Variants in LRP4 observed in about 807,000 individuals in gnomAD.
The protein encoded by LRP4 is low-density lipoprotein receptor-related protein 4.
LRP4 carries 95 observed loss-of-function variants against 220.3 expected under a neutral mutation model. That is an observed-to-expected ratio of 0.43 (90% confidence interval 0.37 to 0.51). The LOEUF is 0.51. LRP4 is among the 20% of genes least tolerant of loss of function. The probability of loss-of-function intolerance (pLI) is 0.00; values close to 1 mark genes in which losing one functional copy is unlikely to be tolerated. For synonymous variants in LRP4, 903 were observed against 954.6 expected (o/e 0.95, Z 1.00); for missense variants, 1,925 against 2,567.0 (o/e 0.75, Z 5.40).
intron 12 of LRP4, among the ~76,000 whole-genome samples, chr11:46,893,493 AT>A (rs1224564593): frequency 6.6e-6 from 1 of 152,182 alleles, no homozygotes; most frequent in Non-Finnish European, 1.5e-5. Flanking sequence ...CATTTCAGAA[AT>A]TCCCTAGGCA....
rs1376647175 is a variant in LRP4 at position 46,910,529 on chromosome 11, T to G, written c.53-7600A>C. On this transcript the variant is annotated intron_variant, in intron 1 of 37. Transcript: ENST00000378623. ...ACTCCATGATTAAGACCTGCTATTT[T>G]AGGACTTGAGATGTTTGAAAACCCT... Among the ~76,000 whole-genome samples, 3 of 152,188 alleles carry G rather than the reference T, an allele frequency of 2.0e-5. No individual in the cohort carries two copies. In the East Asian group the frequency reaches 5.8e-4, roughly 29 times the overall value.
At chr11:46,901,906 T>C (rs1941673132) in intron 2 of LRP4, among the ~76,000 whole-genome samples, 1 of 151,952 alleles carries the variant, frequency 6.6e-6, no homozygotes, top group Admixed American at 6.6e-5. Context: ...CTAATTTTTT[T>C]GTATTTTTAA....
rs759166068 is a variant in LRP4, at chr11:46,864,500, G to A, written c.5191C>T (p.Leu1731Phe). The A allele has an allele frequency of 6.2e-7, 1 of 1,613,844 alleles. No individual in the cohort carries two copies. Among genetic ancestry groups the A allele is most frequent in the South Asian group, 1.1e-5 (1 of 91,082 alleles). ...GLHISYAIGG[L>F]LSILLILVVI... ...ACCAAAATCAGCAGAATACTGAGGA[G>A]TCCACCAATGGCGTAGCTGATATGA... is the stretch of plus-strand genomic sequence containing the variant. The change falls in exon 36 of 38, where the codon CTC (leucine) becomes TTC (phenylalanine). Residue 1731 changes from leucine to phenylalanine, a missense_variant. Around this residue, in one of 3 missense-constraint regions of LRP4, gnomAD observed 1,244 missense variants for 1,624.9 expected, o/e 0.77. Transcript: ENST00000378623.
rs1167662164 is a variant in LRP4 at position 46,875,710 on chromosome 11, G to A, written c.3700-29C>T. On this transcript the variant is annotated intron_variant, in intron 26 of 37. Transcript: ENST00000378623. This position sits in a 1 kb window ranked among gnomAD's most constrained non-coding sequence, Gnocchi z 4.5. The stretch of plus-strand genomic sequence containing the variant: ...CAGAGGAAGGAGAGGGTGGGGGGTG[G>A]TGATCAGCAGATTGGGAACTCTCCA... The A allele has an allele frequency of 6.2e-7, 1 of 1,612,138 alleles. No individual in the cohort carries two copies. Among genetic ancestry groups the A allele is most frequent in the Non-Finnish European group, 8.5e-7 (1 of 1,178,362 alleles).
chr11:46,903,597 G>C (rs962617089), intron 1 of LRP4, among the ~76,000 whole-genome samples: 4 of 152,222 alleles, frequency 2.6e-5, no homozygotes, highest in Middle Eastern at 3.2e-3. Flanking sequence ...GTGATGTTGA[G>C]AGGCCTCCAT....
chr11:46,873,182 A>G lies in LRP4; in HGVS notation c.4501T>C (p.Leu1501=), dbSNP rs766956711. ...GHIAKIERAN[L]DGSERKVLIN... ...AGGACCTTCCGCTCAGAACCATCCA[A>G]GTTTGCCCGTTCGATCTTGGCAATG... The change falls in exon 30 of 38, where the codon TTG becomes CTG. Residue 1501 remains leucine (L), a synonymous_variant. Transcript: ENST00000378623. This position sits in a 1 kb window ranked among gnomAD's most constrained non-coding sequence, Gnocchi z 4.2. 4 of 1,614,052 alleles carry G rather than the reference A, an allele frequency of 2.5e-6. No homozygotes were observed. Among genetic ancestry groups the G allele is most frequent in the Non-Finnish European group, 3.4e-6 (4 of 1,180,048 alleles).
chr11:46,916,120 C>T lies in LRP4; in HGVS notation c.52+2208G>A, dbSNP rs141617324. On this transcript the variant is annotated intron_variant, in intron 1 of 37. Transcript: ENST00000378623. ...GCACAGAAAGCTTCCCATGCTTAGA[C>T]GTTTCTATTAAACTTTTTTCCTTAA... Among the ~76,000 whole-genome samples the T allele has an allele frequency of 4.7e-3, 719 of 152,160 alleles. 1 individual carries two copies. Among genetic ancestry groups the T allele is most frequent in the African/African-American group, 0.017 (695 of 41,504 alleles).
In LRP4 at chr11:46,895,743, G is replaced by T. The variant is rs961563828; in HGVS notation, c.1183+141C>A. 7 of 1,213,148 alleles carry T rather than the reference G, an allele frequency of 5.8e-6. No homozygotes were observed. The East Asian group carries it at 1.6e-4, about 28-fold the overall frequency. 75.1% of individuals were successfully genotyped at this position (1,213,148 alleles called of 1,614,324 possible). On this transcript the variant is annotated intron_variant, in intron 10 of 37. Transcript: ENST00000378623. ...GTCTCCCCATCTGTGAAATGGGAAG[G>T]ATGATCCCCACCTCCTAGGGTTATT...
At chr11:46,867,762 T>TA (rs1213109862) in intron 34 of LRP4, among the ~76,000 whole-genome samples, 1 of 152,152 alleles carries the variant, frequency 6.6e-6, no homozygotes, top group Non-Finnish European at 1.5e-5. Context: ...CACCCAGCCT[T>TA]AAAGTTGTTC....
At chr11:46,912,437 C>A (rs1444040233) in intron 1 of LRP4, among the ~76,000 whole-genome samples, 2 of 152,156 alleles carry the variant, frequency 1.3e-5, no homozygotes, top group African/African-American at 4.8e-5. Context: ...CTTTTATTGG[C>A]TCTGGGAGCC....
chr11:46,881,707 T>C lies in LRP4; in HGVS notation c.2809A>G (p.Arg937Gly). ...CCTCTTACTGCCACCCTTACCTTCC[T>C]CTTACTGCCATCCAGTCCAGCAAAT... Reference protein sequence around the residue: ...IEFAGLDGSKRKVLIGSQLPH... With the variant: ...IEFAGLDGSKGKVLIGSQLPH... The change falls in exon 20 of 38, where the codon AGG becomes GGG. Residue 937 changes from arginine (R) to glycine (G), a missense_variant. Transcript: ENST00000378623. The C allele has an allele frequency of 8.7e-6, 14 of 1,613,296 alleles. No individual in the cohort carries two copies. The highest frequency in any genetic ancestry group is 2.2e-5 in the East Asian group (1 of 44,882).
rs376335376 is a variant in LRP4, at chr11:46,858,951, G to A, written c.*32C>T. ...GGACTAGACGTCCATAAAGGAGAAG[G>A]AACAGGCAGGCAGGGAAGAGAATGT... On this transcript the variant is annotated 3_prime_UTR_variant, in exon 38 of 38. Transcript: ENST00000378623. 6.2e-7 allele frequency: 1 copy of A among 1,601,020 alleles called. No individual in the cohort carries two copies. The highest frequency in any genetic ancestry group is 1.7e-5 in the Admixed American group (1 of 60,002).
chr11:46,884,626 A>G (rs545289934), intron 18 of LRP4, among the ~76,000 whole-genome samples: 35 of 151,716 alleles, frequency 2.3e-4, no homozygotes, highest in Admixed American at 1.3e-3. Context: ...AGTCCCAGCT[A>G]CTTGGGAGGC....
At chr11:46,915,674 G>T (rs1941936588) in intron 1 of LRP4, among the ~76,000 whole-genome samples, 1 of 152,168 alleles carries the variant, frequency 6.6e-6, no homozygotes, top group Non-Finnish European at 1.5e-5. Context: ...CATTCGAGTA[G>T]CTGGGACTAC....
intron 18 of LRP4, among the ~76,000 whole-genome samples, chr11:46,884,629 T>C (rs1253000525): frequency 6.7e-6 from 1 of 150,058 alleles, no homozygotes; most frequent in African/African-American, 2.5e-5. Context: ...CCCAGCTACT[T>C]GGGAGGCTGA....
intron 34 of LRP4, among the ~76,000 whole-genome samples, chr11:46,867,581 C>A (rs1205874410): frequency 6.6e-6 from 1 of 152,224 alleles, no homozygotes; most frequent in Non-Finnish European, 1.5e-5. Context: ...CCTGTCTCAG[C>A]CTCCAGAGTA....
chr11:46,866,105 T>C (rs1374046533), intron 34 of LRP4, among the ~76,000 whole-genome samples: 1 of 150,358 alleles, frequency 6.7e-6, no homozygotes, highest in African/African-American at 2.4e-5. Flanking sequence ...CTACTGATGA[T>C]ATTAAAAATA....
At chr11:46,906,023 T>C (rs902600621) in intron 1 of LRP4, among the ~76,000 whole-genome samples, 1 of 151,062 alleles carries the variant, frequency 6.6e-6, no homozygotes, top group Non-Finnish European at 1.5e-5. Context: ...AGAGAGGAAG[T>C]AGGGGGGAAT....
rs1267682165 is a variant in LRP4, at chr11:46,876,452, C to G, written c.3536+14G>C. Reference sequence around the variant, plus strand: ...GCCCCCCACACTACCCAGTGCGATACAGCCAGCTCTCACCCCATCTCATGG... The same window carrying G: ...GCCCCCCACACTACCCAGTGCGATAGAGCCAGCTCTCACCCCATCTCATGG... On this transcript the variant is annotated intron_variant, in intron 25 of 37. Coordinates refer to ENST00000378623, the MANE Select transcript of LRP4 (RefSeq NM_002334.4). 1 of 1,614,152 alleles carries G rather than the reference C, an allele frequency of 6.2e-7. No individual in the cohort carries two copies. The highest frequency in any genetic ancestry group is 1.7e-5 in the Admixed American group (1 of 60,022).
Sources: allele counts gnomAD v4.1 joint callset (sites outside exome capture counted in the v4.1 genomes callset), GRCh38; gene constraint gnomAD v4.1.1; regional missense constraint gnomAD v4.1.1; non-coding constraint Gnocchi (gnomAD v3.1); transcripts MANE v1.5; gene names NCBI Gene and HGNC (gene_info 2026-07-23, HGNC 2026-07-21).